Variants in PNPLA7 observed in about 807,000 individuals in gnomAD.
PNPLA7 encodes the protein patatin-like phospholipase domain-containing protein 7.
A neutral mutation model predicts 161.7 loss-of-function variants in PNPLA7; 153 were observed. That is an observed-to-expected ratio of 0.95 (90% confidence interval 0.83 to 1.08). PNPLA7 has a LOEUF of 1.08. PNPLA7 is among the 50% of genes least tolerant of loss of function. The pLI is 0.00. For synonymous variants in PNPLA7, 809 were observed against 782.1 expected (o/e 1.03, Z -0.57); for missense variants, 1,739 against 1,856.6 (o/e 0.94, Z 1.16).
intron 16 of PNPLA7, among the ~76,000 whole-genome samples, chr9:137,498,495 G>A (rs1446918229): frequency 7.2e-5 from 11 of 152,256 alleles, no homozygotes; most frequent in Non-Finnish European, 1.3e-4. Flanking sequence ...GCAGGCCCGC[G>A]AGTGCCCCTT....
At chr9:137,519,852 G>A in intron 11 of PNPLA7, 65 bp downstream of exon 11, 1 of 1,556,848 alleles carries the variant, frequency 6.4e-7, no homozygotes, top group Non-Finnish European at 8.7e-7. Context: ...GTGACCTGAG[G>A]CAGTGGGAGC....
In PNPLA7 at chr9:137,468,846, A is replaced by G. The variant is rs1831592932; in HGVS notation, c.2883-1373T>C. 6.6e-6 allele frequency among the ~76,000 whole-genome samples: 1 copy of G among 152,172 alleles called. No individual in the cohort carries two copies. The highest frequency in any genetic ancestry group is 1.5e-5 in the Non-Finnish European group (1 of 68,038). On this transcript the variant is annotated intron_variant, in intron 25 of 34. Coordinates refer to ENST00000406427, the MANE Select transcript of PNPLA7 (RefSeq NM_001098537.3). This position sits in a 1 kb window ranked among gnomAD's most constrained non-coding sequence, Gnocchi z 4.0. ...ATATGATATATTAATACTTAATTGGATACTCAAAAATGGTTAAGTGGTAAA... is the reference window on the plus strand; with the variant it reads ...ATATGATATATTAATACTTAATTGGGTACTCAAAAATGGTTAAGTGGTAAA...
Position 137,516,448 on chromosome 9 carries a change from C to A in PNPLA7, c.1085-929G>T, listed in dbSNP as rs971429815. The A allele has an allele frequency of 5.1e-6, 5 of 985,238 alleles. No homozygotes were observed. In the South Asian group the frequency reaches 1.4e-4, roughly 28 times the overall value. 61.0% of individuals were successfully genotyped at this position (985,238 alleles called of 1,614,324 possible). On this transcript the variant is annotated intron_variant, in intron 11 of 34. Transcript: ENST00000406427. Reference sequence around the variant, plus strand: ...AAGACCTCATCCAGGACAGCTGCTGCCCCATCAAGTCACATGGACCTAATC... The same window carrying A: ...AAGACCTCATCCAGGACAGCTGCTGACCCATCAAGTCACATGGACCTAATC...
chr9:137,479,802 C>G, intron 23 of PNPLA7: 1 of 985,480 alleles, frequency 1.0e-6, no homozygotes, highest in Non-Finnish European at 1.2e-6. Flanking sequence ...CTGCTGCCAT[C>G]TGGGAACCTG....
rs142442070 is a variant in PNPLA7 at position 137,524,863 on chromosome 9, G to C, written c.748-2006C>G. On this transcript the variant is annotated intron_variant, in intron 8 of 34. Transcript: ENST00000406427. This position sits in a 1 kb window ranked among gnomAD's most constrained non-coding sequence, Gnocchi z 4.4. ...AATGAGTTTCCTTGGATGCCCCGTG[G>C]AATGAGTTTCCGTGGATGCCTGTCT... is the stretch of plus-strand genomic sequence containing the variant. 6.6e-6 allele frequency among the ~76,000 whole-genome samples: 1 copy of C among 151,512 alleles called. No individual in the cohort carries two copies. Among genetic ancestry groups the C allele is most frequent in the Non-Finnish European group, 1.5e-5 (1 of 68,022 alleles).
At chr9:137,484,144 C>T (rs906255702) in intron 21 of PNPLA7, among the ~76,000 whole-genome samples, 1 of 152,014 alleles carries the variant, frequency 6.6e-6, no homozygotes. Flanking sequence ...CCATGTTGGC[C>T]AGGCTGGTCT....
chr9:137,542,752 T>C lies in PNPLA7; in HGVS notation c.556A>G (p.Ile186Val), dbSNP rs144362221. ...KPLFLELCKH[I>V]VFVQLQEGEH... is the part of the protein sequence containing the mutation. ...CCTTCCTGCAGCTGCACAAAGACGA[T>C]GTGTTTGCAAAGCTCCAGGAACAGC... Residue 186 changes from isoleucine (I) to valine (V), a missense_variant, in exon 7 of 35, where the codon ATC (isoleucine) becomes GTC (valine). Coordinates refer to ENST00000406427, the MANE Select transcript of PNPLA7 (RefSeq NM_001098537.3). The C allele has an allele frequency of 3.7e-6, 6 of 1,613,610 alleles. No individual in the cohort carries two copies. Among genetic ancestry groups the C allele is most frequent in the Non-Finnish European group, 5.1e-6 (6 of 1,180,004 alleles).
chr9:137,527,037 G>A (rs1367824492), intron 8 of PNPLA7, among the ~76,000 whole-genome samples: 2 of 152,124 alleles, frequency 1.3e-5, no homozygotes, highest in African/African-American at 2.4e-5. Flanking sequence ...GGGAGGCCGA[G>A]GCAGGTAGAT....
In PNPLA7 at chr9:137,543,726, C is replaced by T. The variant is rs1236491557; in HGVS notation, c.363G>A (p.Lys121=). ...GTGGTCTGAAGGACACACAGTACCT[C>T]TTGGCCAAAGACAGCACCTTGGTCC... The part of the protein sequence containing the change: ...RKRTKVLSLA[K]RILRFKKEYP... The change falls in exon 5 of 35, where the codon AAG becomes AAA. Residue 121 remains lysine (K), a splice_region_variant and synonymous_variant. Coordinates refer to ENST00000406427, the MANE Select transcript of PNPLA7 (RefSeq NM_001098537.3). This position sits in a 1 kb window ranked among gnomAD's most constrained non-coding sequence, Gnocchi z 6.9. The T allele has an allele frequency of 1.2e-6, 2 of 1,613,924 alleles. No homozygotes were observed. Among genetic ancestry groups the T allele is most frequent in the Non-Finnish European group, 1.7e-6 (2 of 1,179,962 alleles).
rs748815310 is a variant in PNPLA7, at chr9:137,542,717, G to T, written c.591C>A (p.Val197=). 1 of 1,613,668 alleles carries T rather than the reference G, an allele frequency of 6.2e-7. No individual in the cohort carries two copies. Among genetic ancestry groups the T allele is most frequent in the East Asian group, 2.2e-5 (1 of 44,880 alleles). ...VFVQLQEGEH[V]FQPREPDPSI... ...TGGGGTCCGGCTCCCTGGGCTGGAAGACGTGCTCCCCTTCCTGCAGCTGCA... is the reference window on the plus strand; with the variant it reads ...TGGGGTCCGGCTCCCTGGGCTGGAATACGTGCTCCCCTTCCTGCAGCTGCA... Residue 197 remains valine (V), a synonymous_variant, in exon 7 of 35, where the codon GTC becomes GTA. Transcript: ENST00000406427.
intron 21 of PNPLA7, among the ~76,000 whole-genome samples, chr9:137,481,730 AG>A (rs903379606): frequency 1.3e-5 from 2 of 152,202 alleles, no homozygotes; most frequent in African/African-American, 4.8e-5. Flanking sequence ...TGGGAGGCCA[AG>A]GGATCACGAG....
At chr9:137,527,591 T>G (rs908353279) in intron 8 of PNPLA7, among the ~76,000 whole-genome samples, 2 of 152,246 alleles carry the variant, frequency 1.3e-5, no homozygotes, top group Non-Finnish European at 2.9e-5. Context: ...GCTTTGCTCC[T>G]GGAATAAATC....
At position 137,543,860 on chromosome 9, in the gene PNPLA7, A is replaced by G; in HGVS notation, c.274-45T>C. 1 of 1,533,492 alleles carries G rather than the reference A, an allele frequency of 6.5e-7. No homozygotes were observed. Among genetic ancestry groups the G allele is most frequent in the South Asian group, 1.1e-5 (1 of 89,410 alleles). 95.0% of individuals were successfully genotyped at this position (1,533,492 alleles called of 1,614,324 possible). A position where few individuals can be genotyped will look rare whatever the true frequency, so the allele number is the denominator to read the frequency against. On this transcript the variant is annotated intron_variant, in intron 4 of 34. Coordinates refer to ENST00000406427, the MANE Select transcript of PNPLA7 (RefSeq NM_001098537.3). The surrounding 1 kb of genome is among the most constrained non-coding windows in gnomAD (Gnocchi z 6.9). ...ACCAGCCACTGACCCTGCAAGCCGC[A>G]AGGTCCAAGCTCTTTGCCATGGGGA...
chr9:137,486,843 A>G lies in PNPLA7; in HGVS notation c.2198-2107T>C, dbSNP rs1381055023. On this transcript the variant is annotated intron_variant, in intron 20 of 34. Coordinates refer to ENST00000406427, the MANE Select transcript of PNPLA7 (RefSeq NM_001098537.3). This position sits in a 1 kb window ranked among gnomAD's most constrained non-coding sequence, Gnocchi z 6.0. ...TGCCCCTCCCCACTCAGAACAAGCC[A>G]GAGTCTGCAGCCTCAGCCCATCTGC... Among the ~76,000 whole-genome samples, 1 of 151,648 alleles carries G rather than the reference A, an allele frequency of 6.6e-6. No individual in the cohort carries two copies. The highest frequency in any genetic ancestry group is 6.6e-5 in the Admixed American group (1 of 15,232).
intron 14 of PNPLA7, among the ~76,000 whole-genome samples, chr9:137,503,114 GC>G (rs1833589874): frequency 6.6e-6 from 1 of 152,048 alleles, no homozygotes; most frequent in South Asian, 2.1e-4. Flanking sequence ...GGGTACAGTG[GC>G]TCATGCCTGT....
chr9:137,530,708 A>C (rs964832214), intron 8 of PNPLA7, among the ~76,000 whole-genome samples: 3 of 152,200 alleles, frequency 2.0e-5, no homozygotes, highest in African/African-American at 7.2e-5. Flanking sequence ...ATTTTAGTTA[A>C]AAATAAAATC....
chr9:137,460,887 C>G (rs543312068), intron 33 of PNPLA7, 150 bp from the exon 34 acceptor site: 2 of 634,934 alleles, frequency 3.1e-6, no homozygotes, highest in African/African-American at 3.7e-5. Flanking sequence ...GGTCCCAGGG[C>G]AGCCCTGCAC....
At position 137,543,495 on chromosome 9, in the gene PNPLA7, G is replaced by A. The variant is rs201974694; in HGVS notation, c.443C>T (p.Thr148Met). The A allele has an allele frequency of 4.5e-5, 72 of 1,614,014 alleles. No individual in the cohort carries two copies. Among genetic ancestry groups the A allele is most frequent in the African/African-American group, 6.7e-5 (5 of 74,950 alleles). The change falls in exon 6 of 35, where the codon ACG (threonine) becomes ATG (methionine). Residue 148 changes from threonine to methionine, a missense_variant. By Grantham distance (81) the Thr-to-Met change is moderately conservative. Transcript: ENST00000406427. The surrounding 1 kb of genome is among the most constrained non-coding windows in gnomAD (Gnocchi z 6.9). ...PPPSLLEADLTEFDVKNSHLP... is the reference protein window; with the variant it reads ...PPPSLLEADLMEFDVKNSHLP... ...GTGAGAATTCTTCACGTCAAACTCC[G>A]TGAGGTCGGCCTCCAGCAGGGAGGG...
intron 23 of PNPLA7, 45 bp from the exon 24 acceptor site, chr9:137,479,283 A>G: frequency 6.7e-7 from 1 of 1,482,328 alleles, no homozygotes; most frequent in Non-Finnish European, 9.0e-7. Flanking sequence ...TGAGCCTGGG[A>G]CTCGGGACAG....
Sources: gnomAD v4.1 joint callset for allele counts (sites outside exome capture counted in the v4.1 genomes callset) on GRCh38, gnomAD v4.1.1 for gene constraint, Gnocchi (gnomAD v3.1) non-coding constraint, MANE v1.5 for transcripts, NCBI Gene and HGNC (gene_info 2026-07-23, HGNC 2026-07-21) for gene names.